The following TP63 variants were observed in gnomAD, a reference collection of about 807,000 sequenced individuals.
TP63 encodes tumor protein 63.
In TP63, 17 loss-of-function variants were observed where a neutral mutation model predicts 82.8. The ratio of observed to expected loss-of-function variants is 0.21; its 90% confidence interval spans 0.14 to 0.31. TP63 has a LOEUF of 0.31. Ranked by LOEUF, TP63 falls within the 10% of genes least tolerant of loss-of-function variation. TP63 has a pLI of 1.00. For synonymous variants in TP63, 330 were observed against 321.7 expected (o/e 1.03, Z -0.28); for missense variants, 648 against 895.3 (o/e 0.72, Z 3.52).
chr3:189,778,166 C>T (rs981088786), intron 3 of TP63, among the ~76,000 whole-genome samples: 7 of 152,064 alleles, frequency 4.6e-5, no homozygotes, highest in Non-Finnish European at 1.0e-4. Context: ...TGCGCCTGGC[C>T]GAGTCTTATT....
At chr3:189,842,173 A>C (rs896912022) in intron 4 of TP63, among the ~76,000 whole-genome samples, 1 of 152,134 alleles carries the variant, frequency 6.6e-6, no homozygotes, top group African/African-American at 2.4e-5. Flanking sequence ...TGAGACAGAC[A>C]TGCTGCTACT....
At chr3:189,851,241 G>C (rs368781734) in intron 4 of TP63, among the ~76,000 whole-genome samples, 76 of 152,282 alleles carry the variant, frequency 5.0e-4, no homozygotes, top group Admixed American at 1.5e-3. Flanking sequence ...CTTGGGAAGG[G>C]GCGCAAAGCA....
rs1051142150 is a variant in TP63 at position 189,896,168 on chromosome 3, G to C, written c.*1666G>C. ...GGTCAAGGGCTGTCATTGCACATAA[G>C]CTTCCATTTTAATTTTAAAGTGCAA... On this transcript the variant is annotated 3_prime_UTR_variant, in exon 14 of 14. Coordinates refer to ENST00000264731, the MANE Select transcript of TP63 (RefSeq NM_003722.5). 13 of 219,678 alleles carry C rather than the reference G, an allele frequency of 5.9e-5. No individual in the cohort carries two copies. Among genetic ancestry groups the C allele is most frequent in the Admixed American group, 2.3e-4 (4 of 17,284 alleles). The allele number at this position is 219,678 out of a possible 1,614,324, so 13.6% of individuals were successfully genotyped here.
intron 1 of TP63, among the ~76,000 whole-genome samples, chr3:189,681,876 G>A (rs1715934645): frequency 6.6e-6 from 1 of 152,078 alleles, no homozygotes; most frequent in Non-Finnish European, 1.5e-5. Flanking sequence ...AGGGAACCAG[G>A]CAATCACCTT....
chr3:189,729,434 G>A (rs950637160), intron 1 of TP63, among the ~76,000 whole-genome samples: 10 of 152,132 alleles, frequency 6.6e-5, no homozygotes, highest in African/African-American at 2.4e-4. Flanking sequence ...TCAGTCAGGA[G>A]AGAAAAGATT....
chr3:189,723,335 G>A (rs1408196718), intron 1 of TP63, among the ~76,000 whole-genome samples: 2 of 152,120 alleles, frequency 1.3e-5, no homozygotes, highest in African/African-American at 2.4e-5. Context: ...CCATTCTCCC[G>A]GTTACCATGT....
chr3:189,642,275 G>A (rs1047857613), intron 1 of TP63, among the ~76,000 whole-genome samples: 7 of 152,056 alleles, frequency 4.6e-5, no homozygotes, highest in East Asian at 1.9e-4. Flanking sequence ...AGACCTCAAC[G>A]TTTGATTTTG....
chr3:189,775,220 CAAAAAAAAA>C (rs56288032), intron 3 of TP63, among the ~76,000 whole-genome samples: 3 of 93,060 alleles, frequency 3.2e-5, no homozygotes, highest in African/African-American at 4.3e-5. Context: ...AACTCTGTCT[CAAAAAAAAA>C]AAAAAAAAAA....
At chr3:189,629,815 T>C (rs1729398712), upstream of TP63, among the ~76,000 whole-genome samples, 1 of 152,212 alleles carries the variant, frequency 6.6e-6, no homozygotes, top group Non-Finnish European at 1.5e-5. Context: ...GGAAATTGAT[T>C]ATTTTTAATT....
intron 3 of TP63, among the ~76,000 whole-genome samples, chr3:189,758,111 G>A (rs536589878): frequency 2.0e-5 from 3 of 152,302 alleles, no homozygotes; most frequent in African/African-American, 7.2e-5. Context: ...TGGAGGTATG[G>A]TTTGGGAATG....
chr3:189,893,949 T>C (rs966914031), intron 13 of TP63, among the ~76,000 whole-genome samples: 6 of 152,152 alleles, frequency 3.9e-5, no homozygotes, highest in African/African-American at 1.4e-4. Flanking sequence ...TATCCCAATT[T>C]TACCAATGAA....
At chr3:189,750,954 G>T (rs1053290496) in intron 3 of TP63, among the ~76,000 whole-genome samples, 16 of 152,104 alleles carry the variant, frequency 1.1e-4, no homozygotes, top group African/African-American at 3.6e-4. Flanking sequence ...TTCTCCTAAT[G>T]CTATCCCTCC....
intron 4 of TP63, among the ~76,000 whole-genome samples, chr3:189,828,929 A>T (rs192563898): frequency 1.2e-4 from 19 of 152,202 alleles, no homozygotes; most frequent in Admixed American, 9.2e-4. Flanking sequence ...TGCTATTATT[A>T]TAAATAGCAG....
intron 3 of TP63, among the ~76,000 whole-genome samples, chr3:189,792,880 G>T (rs1465592722): frequency 2.0e-5 from 3 of 151,962 alleles, no homozygotes; most frequent in African/African-American, 4.8e-5. Context: ...TTCTTTGTCT[G>T]CTTGGTCTAG....
intron 1 of TP63, among the ~76,000 whole-genome samples, chr3:189,663,521 C>CTTTTTTTTTTTTTT (rs397991949): frequency 4.7e-5 from 4 of 84,550 alleles, no homozygotes; most frequent in Non-Finnish European, 6.2e-5. Flanking sequence ...TTCATTCATT[C>CTTTTTTTTTTTTTT]TTTTTTTTTT....
chr3:189,665,813 G>A (rs901050443), intron 1 of TP63, among the ~76,000 whole-genome samples: 2 of 152,030 alleles, frequency 1.3e-5, no homozygotes, highest in South Asian at 2.1e-4. Context: ...GAAAGTTCAT[G>A]TAAGGTCTTA....
At chr3:189,745,078 C>T (rs1427643337) in intron 3 of TP63, among the ~76,000 whole-genome samples, 1 of 152,126 alleles carries the variant, frequency 6.6e-6, no homozygotes, top group Non-Finnish European at 1.5e-5. Flanking sequence ...GCCAAAATTG[C>T]CTACCCATCT....
chr3:189,785,771 C>T (rs1195447251), intron 3 of TP63, among the ~76,000 whole-genome samples: 1 of 151,986 alleles, frequency 6.6e-6, no homozygotes, highest in Non-Finnish European at 1.5e-5. Flanking sequence ...GGCACTGGGA[C>T]ACCCTGAGGA....
intron 1 of TP63, among the ~76,000 whole-genome samples, chr3:189,662,011 ATAAT>A (rs1713928374): frequency 1.3e-5 from 2 of 152,026 alleles, no homozygotes; most frequent in Admixed American, 1.3e-4. Flanking sequence ...CTTTCAAAAA[ATAAT>A]TTTTGGTTTT....
Sources: allele counts gnomAD v4.1 joint callset (sites outside exome capture counted in the v4.1 genomes callset), GRCh38; gene constraint gnomAD v4.1.1; transcripts MANE v1.5; gene names NCBI Gene and HGNC (gene_info 2026-07-23, HGNC 2026-07-21).